SLC13A3: variants seen among roughly 807,000 people sequenced by gnomAD.
The protein encoded by SLC13A3 is Na(+)/dicarboxylate cotransporter 3.
SLC13A3 carries 40 observed loss-of-function variants against 59.0 expected under a neutral mutation model. The observed-to-expected ratio is 0.68, with a 90% CI of 0.53 to 0.88. The LOEUF (loss-of-function observed/expected upper bound fraction) is 0.88. SLC13A3 is among the 40% of genes least tolerant of loss of function. The pLI is 0.00. For missense variants in SLC13A3, 699 were observed against 783.2 expected, an observed-to-expected ratio of 0.89 and a Z score of 1.28; for synonymous variants, 317 against 330.3, an observed-to-expected ratio of 0.96 and a Z score of 0.44.
At chr20:46,632,909 A>ACAGACAGATAGCTCTT (rs1470202390) in intron 1 of SLC13A3, among the ~76,000 whole-genome samples, 3,261 of 45,534 alleles carry the variant, frequency 0.072, 155 homozygotes, top group South Asian at 0.099. Flanking sequence ...AGATAGATAG[A>ACAGACAGATAGCTCTT]TATATCTATC....
intron 8 of SLC13A3, chr20:46,584,142 C>T (rs927940335): frequency 5.1e-6 from 5 of 985,234 alleles, no homozygotes; most frequent in African/African-American, 1.7e-5. Flanking sequence ...CCCCTCAAAA[C>T]CTAACTGTCA....
intron 3 of SLC13A3, among the ~76,000 whole-genome samples, chr20:46,609,988 G>A (rs756189614): frequency 8.5e-5 from 13 of 152,322 alleles, no homozygotes; most frequent in Middle Eastern, 3.4e-3. Context: ...ACTCTTTCTA[G>A]CAGTACACGA....
chr20:46,625,587 C>T (rs2122789755), intron 1 of SLC13A3, among the ~76,000 whole-genome samples: 1 of 152,316 alleles, frequency 6.6e-6, no homozygotes, highest in East Asian at 1.9e-4. Context: ...ATTTACATCT[C>T]CCCAGAAAGT....
At chr20:46,670,125 C>A (rs2063082615) in exon 1 of SLC13A3, 1 of 152,160 alleles carries the variant, frequency 6.6e-6, no homozygotes, top group African/African-American at 2.4e-5. Flanking sequence ...TCCTTTGGAC[C>A]TTAGTGCCAC....
chr20:46,648,918 CACACACACACACACACACACACAT>C (rs926841261), intron 1 of SLC13A3, among the ~76,000 whole-genome samples: 3 of 123,390 alleles, frequency 2.4e-5, no homozygotes, highest in East Asian at 2.1e-4. Context: ...CTCTCTCTCA[CACACACACACACACACACACACAT>C]ACACACACAC....
chr20:46,562,431 G>T (rs554947547), intron 12 of SLC13A3, among the ~76,000 whole-genome samples: 4 of 152,172 alleles, frequency 2.6e-5, no homozygotes, highest in African/African-American at 9.6e-5. Flanking sequence ...TCTCTGTGAG[G>T]CTGGCGGCTT....
chr20:46,630,590 A>G (rs1308098328), intron 1 of SLC13A3, among the ~76,000 whole-genome samples: 2 of 152,184 alleles, frequency 1.3e-5, no homozygotes, highest in Non-Finnish European at 2.9e-5. Context: ...CAAAGATGGC[A>G]TATTCTTCTC....
intron 3 of SLC13A3, among the ~76,000 whole-genome samples, chr20:46,601,529 G>C (rs780467247): frequency 6.6e-6 from 1 of 152,188 alleles, no homozygotes. Flanking sequence ...AAAGATGAAA[G>C]TCCATGTCCT....
chr20:46,642,114 GCC>G (rs905351012), intron 1 of SLC13A3, among the ~76,000 whole-genome samples: 2 of 152,326 alleles, frequency 1.3e-5, no homozygotes, highest in Non-Finnish European at 2.9e-5. Context: ...CCCCTGTGTG[GCC>G]CTGTGTGGCA....
At chr20:46,591,669 T>C (rs1175640727) in intron 6 of SLC13A3, among the ~76,000 whole-genome samples, 1 of 152,184 alleles carries the variant, frequency 6.6e-6, no homozygotes, top group East Asian at 1.9e-4. Context: ...TAAAGACATA[T>C]TTCCCATAAT....
At chr20:46,672,325 G>A (rs996131360), upstream of SLC13A3, among the ~76,000 whole-genome samples, 1 of 152,238 alleles carries the variant, frequency 6.6e-6, no homozygotes, top group Non-Finnish European at 1.5e-5. Context: ...CCGAGCAGTA[G>A]TCATTCATAC....
At chr20:46,641,412 G>A (rs1253223032) in intron 1 of SLC13A3, among the ~76,000 whole-genome samples, 1 of 152,166 alleles carries the variant, frequency 6.6e-6, no homozygotes, top group Admixed American at 6.5e-5. Flanking sequence ...ACTAGACAAA[G>A]AAATGATCAT....
intron 1 of SLC13A3, among the ~76,000 whole-genome samples, chr20:46,651,057 C>A (rs1262383396): frequency 6.6e-6 from 1 of 152,086 alleles, no homozygotes; most frequent in South Asian, 2.1e-4. Flanking sequence ...GTCACTGAAA[C>A]GAAACGAAAT....
intron 1 of SLC13A3, among the ~76,000 whole-genome samples, chr20:46,618,291 C>CA (rs1413137543): frequency 6.6e-6 from 1 of 152,176 alleles, no homozygotes; most frequent in Non-Finnish European, 1.5e-5. Flanking sequence ...CTCAAGGAGA[C>CA]AGACATGAAG....
At chr20:46,661,411 C>T (rs1310133238) in intron 1 of SLC13A3, among the ~76,000 whole-genome samples, 5 of 152,176 alleles carry the variant, frequency 3.3e-5, no homozygotes, top group African/African-American at 1.2e-4. Context: ...TGTTTCAGTT[C>T]ATCACTGGCT....
At chr20:46,574,568 G>A (rs935782385) in intron 10 of SLC13A3, among the ~76,000 whole-genome samples, 8 of 152,122 alleles carry the variant, frequency 5.3e-5, no homozygotes, top group Non-Finnish European at 1.2e-4. Flanking sequence ...AGCTCACAAA[G>A]CCCTCTGGAA....
intron 10 of SLC13A3, among the ~76,000 whole-genome samples, chr20:46,569,244 G>A (rs1418159725): frequency 1.3e-5 from 2 of 152,042 alleles, no homozygotes; most frequent in Non-Finnish European, 2.9e-5. Flanking sequence ...TCCTGCCTAG[G>A]CCTCCCAAAG....
upstream of SLC13A3, among the ~76,000 whole-genome samples, chr20:46,672,587 T>C (rs1344163925): frequency 6.6e-6 from 1 of 152,168 alleles, no homozygotes; most frequent in African/African-American, 2.4e-5. Context: ...CCCTTTCCAC[T>C]GGGAGGCAGG....
intron 1 of SLC13A3, among the ~76,000 whole-genome samples, chr20:46,616,184 C>A (rs1212572321): frequency 6.6e-6 from 1 of 152,184 alleles, no homozygotes; most frequent in Non-Finnish European, 1.5e-5. Flanking sequence ...GGTAAGATAT[C>A]TTTGAGAATC....
Sources: allele counts gnomAD v4.1 joint callset (sites outside exome capture counted in the v4.1 genomes callset), GRCh38; gene constraint gnomAD v4.1.1; transcripts MANE v1.5; gene names NCBI Gene and HGNC (gene_info 2026-07-23, HGNC 2026-07-21).